The following ATF2 variants were observed in gnomAD, a reference collection of about 807,000 sequenced individuals.
ATF2 encodes cyclic AMP-dependent transcription factor ATF-2.
ATF2 carries 24 observed loss-of-function variants against 60.6 expected under a neutral mutation model. The observed-to-expected ratio is 0.40, with a 90% confidence interval of 0.29 to 0.56. The LOEUF is 0.56. ATF2 is among the 20% of genes least tolerant of loss of function. The pLI is 0.54. For synonymous variants in ATF2, 206 were observed against 215.4 expected (o/e 0.96, Z 0.38); for missense variants, 433 against 607.7 (o/e 0.71, Z 3.02).
intron 12 of ATF2, chr2:175,092,559 T>TA (rs1694625050): frequency 1.3e-5 from 6 of 445,932 alleles, no homozygotes; most frequent in South Asian, 8.6e-5. Context: ...TGTGGATAAT[T>TA]AGAGTCCTTC....
intron 1 of ATF2, among the ~76,000 whole-genome samples, chr2:175,164,799 G>A (rs1448330932): frequency 6.6e-6 from 1 of 152,218 alleles, no homozygotes; most frequent in East Asian, 1.9e-4. Flanking sequence ...GTGAGTATGA[G>A]ATAAACACAG....
Position 175,136,302 on chromosome 2 carries a change from T to C in ATF2, c.32+110A>G, listed in dbSNP as rs974583487. 7 of 1,047,718 alleles carry C rather than the reference T, an allele frequency of 6.7e-6. No individual in the cohort carries two copies. In the African/African-American group the frequency reaches 9.7e-5, roughly 14 times the overall value. The allele number at this position is 1,047,718 out of a possible 1,614,324, so 64.9% of individuals were successfully genotyped here. ...CTACATACTAAGTAAGTGACTTGTT[T>C]TGTATGGAAAAAAACACCACAAATA... On this transcript the variant is annotated intron_variant, in intron 3 of 13. Transcript: ENST00000264110.
At chr2:175,167,286 T>C (rs1221063898) in intron 1 of ATF2, among the ~76,000 whole-genome samples, 2 of 151,830 alleles carry the variant, frequency 1.3e-5, no homozygotes, top group Non-Finnish European at 2.9e-5. Context: ...AGCAAATTAT[T>C]TCTTTACATA....
chr2:175,090,310 A>G (rs1213653531), intron 12 of ATF2, among the ~76,000 whole-genome samples: 1 of 152,112 alleles, frequency 6.6e-6, no homozygotes, highest in Non-Finnish European at 1.5e-5. Flanking sequence ...TTTGAGGTTC[A>G]TCTACACTGT....
intron 12 of ATF2, among the ~76,000 whole-genome samples, chr2:175,085,012 A>T (rs1033934062): frequency 6.6e-6 from 1 of 152,216 alleles, no homozygotes; most frequent in African/African-American, 2.4e-5. Flanking sequence ...TAACTTCATC[A>T]TTTATAGCAA....
At chr2:175,156,431 TTCCTGGGTTATCC>T (rs1364175521) in intron 1 of ATF2, among the ~76,000 whole-genome samples, 1 of 140,892 alleles carries the variant, frequency 7.1e-6, no homozygotes, top group African/African-American at 2.6e-5. Context: ...ATAAGATAGA[TTCCTGGGTTATCC>T]AGGAATCTAA....
At chr2:175,162,793 A>G (rs1700102160) in intron 1 of ATF2, among the ~76,000 whole-genome samples, 1 of 152,188 alleles carries the variant, frequency 6.6e-6, no homozygotes. Flanking sequence ...ATTTGTTAGT[A>G]TGGCAAAACA....
chr2:175,144,234 G>A (rs1698795873), intron 2 of ATF2, among the ~76,000 whole-genome samples: 1 of 151,972 alleles, frequency 6.6e-6, no homozygotes, highest in African/African-American at 2.4e-5. Context: ...TATTCATTTT[G>A]CAAATGAGGA....
intron 1 of ATF2, among the ~76,000 whole-genome samples, chr2:175,163,522 C>G (rs1421229614): frequency 1.3e-5 from 2 of 152,012 alleles, no homozygotes; most frequent in Non-Finnish European, 2.9e-5. Context: ...GGCTGAGAAC[C>G]ACTATCTTTG....
At position 175,093,097 on chromosome 2, in the gene ATF2, T is replaced by C. The variant is rs1694672286; in HGVS notation, c.1149A>G (p.Lys383=). 6.2e-7 allele frequency: 1 copy of C among 1,614,114 alleles called. No individual in the cohort carries two copies. The highest frequency in any genetic ancestry group is 1.7e-5 in the Admixed American group (1 of 60,006). Reference sequence around the variant, plus strand: ...CATTTAATGAACTCAAGTCTTCAGCTTTCTTCTCTAAAGACTGAACCCAGA... The same window carrying C: ...CATTTAATGAACTCAAGTCTTCAGCCTTCTTCTCTAAAGACTGAACCCAGA... ...RKVWVQSLEK[K]AEDLSSLNGQ... is the part of the protein sequence containing the mutation. The change falls in exon 12 of 14, where the codon AAA becomes AAG. Residue 383 remains lysine (K), a synonymous_variant. Coordinates refer to ENST00000264110, the MANE Select transcript of ATF2 (RefSeq NM_001880.4).
intron 1 of ATF2, among the ~76,000 whole-genome samples, chr2:175,153,788 C>T (rs1051219777): frequency 4.9e-5 from 7 of 143,520 alleles, no homozygotes; most frequent in African/African-American, 1.8e-4. Flanking sequence ...GTCGAGATCA[C>T]ACCATTGCAC....
Position 175,146,443 on chromosome 2 carries a change from T to C in ATF2, c.-44+4617A>G, listed in dbSNP as rs188421891. 5.2e-4 allele frequency among the ~76,000 whole-genome samples: 79 copies of C among 152,346 alleles called. 1 individual carries two copies. In the East Asian group the frequency reaches 0.012, roughly 23 times the overall value. On this transcript the variant is annotated intron_variant, in intron 2 of 13. Transcript: ENST00000264110. ...TGACTTTCATGGACATATTGTGATT[T>C]TGTAACAGAATGTCTTATTGTAGAA...
At chr2:175,090,028 CCAAGGTGAGATTCATATAA>C (rs1004070565) in intron 12 of ATF2, among the ~76,000 whole-genome samples, 4 of 151,958 alleles carry the variant, frequency 2.6e-5, no homozygotes, top group Admixed American at 2.0e-4. Flanking sequence ...TCGTAATTTA[CCAAGGTGAGATTCATATAA>C]CATAAAGGTA....
intron 5 of ATF2, among the ~76,000 whole-genome samples, chr2:175,119,564 G>A (rs1696810534): frequency 6.6e-6 from 1 of 151,384 alleles, no homozygotes; most frequent in African/African-American, 2.4e-5. Context: ...ACATAATGCA[G>A]GCCTGTTTCA....
At chr2:175,088,959 A>G (rs1210901080) in intron 12 of ATF2, among the ~76,000 whole-genome samples, 1 of 152,186 alleles carries the variant, frequency 6.6e-6, no homozygotes, top group Non-Finnish European at 1.5e-5. Flanking sequence ...AGGCGGGCAG[A>G]TCACTTGAGG....
chr2:175,127,036 A>G (rs1321932279), intron 4 of ATF2: 3 of 152,106 alleles, frequency 2.0e-5, no homozygotes, highest in African/African-American at 7.3e-5. Flanking sequence ...GTTTGAGAAC[A>G]GCCTGGACAA....
At chr2:175,137,162 G>C (rs557411579) in intron 2 of ATF2, among the ~76,000 whole-genome samples, 2 of 152,290 alleles carry the variant, frequency 1.3e-5, no homozygotes, top group African/African-American at 4.8e-5. Flanking sequence ...AGAATGTCAT[G>C]CTCAGAAAAA....
At chr2:175,137,174 T>C (rs575364152) in intron 2 of ATF2, among the ~76,000 whole-genome samples, 1 of 152,136 alleles carries the variant, frequency 6.6e-6, no homozygotes, top group Non-Finnish European at 1.5e-5. Context: ...TCAGAAAAAT[T>C]TGGTAATTCT....
intron 9 of ATF2, among the ~76,000 whole-genome samples, 197 bp downstream of exon 9, chr2:175,113,797 A>T (rs1389368561): frequency 1.3e-5 from 2 of 151,910 alleles, no homozygotes; most frequent in African/African-American, 4.8e-5. Flanking sequence ...AAAAAAAATT[A>T]AGGTTTTGGG....
Sources: allele counts gnomAD v4.1 joint callset (sites outside exome capture counted in the v4.1 genomes callset), GRCh38; gene constraint gnomAD v4.1.1; transcripts MANE v1.5; gene names NCBI Gene and HGNC (gene_info 2026-07-23, HGNC 2026-07-21).